The following DLGAP2 variants were observed in gnomAD, a reference collection of about 807,000 sequenced individuals.
The protein encoded by DLGAP2 is DLG associated protein 2, also known as disks large-associated protein 2.
Under a neutral mutation model 100.3 loss-of-function variants are expected in DLGAP2, and 26 were observed. That is an observed-to-expected ratio of 0.26 (90% CI 0.19 to 0.36). The LOEUF is 0.36. DLGAP2 is among the 10% of genes least tolerant of loss of function. The pLI is 1.00. For synonymous variants in DLGAP2, 886 were observed against 630.1 expected, an observed-to-expected ratio of 1.41 and a Z score of -6.08; for missense variants, 1,858 against 1,453.2, an observed-to-expected ratio of 1.28 and a Z score of -4.53.
intron 3 of DLGAP2, among the ~76,000 whole-genome samples, chr8:1,327,201 T>C (rs1014272420): frequency 1.8e-4 from 28 of 152,354 alleles, no homozygotes; most frequent in South Asian, 2.1e-4. Context: ...AACACTGCTG[T>C]GTATTTCTTT....
At chr8:869,968 C>T (rs1222737442) in intron 1 of DLGAP2, among the ~76,000 whole-genome samples, 2 of 146,188 alleles carry the variant, frequency 1.4e-5, no homozygotes, top group African/African-American at 5.1e-5. Context: ...AGAGCAGGGC[C>T]ATTTAGAAAC....
chr8:866,950 C>T (rs1411726485), intron 1 of DLGAP2, among the ~76,000 whole-genome samples: 1 of 152,136 alleles, frequency 6.6e-6, no homozygotes, highest in Non-Finnish European at 1.5e-5. Flanking sequence ...GTGTCTTCAT[C>T]CCTTACAGGC....
At chr8:1,669,622 G>C (rs1258607546) in intron 9 of DLGAP2, 121 bp from the exon 10 acceptor site, 1 of 736,132 alleles carries the variant, frequency 1.4e-6, no homozygotes, top group Non-Finnish European at 2.5e-6. Context: ...GGAGCGTGCT[G>C]AGAGCCGGGC....
chr8:1,021,471 A>G (rs1801621293), intron 2 of DLGAP2, among the ~76,000 whole-genome samples: 1 of 152,244 alleles, frequency 6.6e-6, no homozygotes, highest in African/African-American at 2.4e-5. Context: ...AGCCATGTTG[A>G]GCTCAGCTAG....
At chr8:1,350,457 G>A (rs1490734127) in intron 3 of DLGAP2, among the ~76,000 whole-genome samples, 1 of 100,092 alleles carries the variant, frequency 1.0e-5, no homozygotes, top group Non-Finnish European at 2.0e-5. Context: ...GAAAGGCCGT[G>A]CGGGTCCTGA....
At chr8:813,573 G>A (rs1005108676) in intron 1 of DLGAP2, among the ~76,000 whole-genome samples, 3 of 152,162 alleles carry the variant, frequency 2.0e-5, no homozygotes, top group Non-Finnish European at 4.4e-5. Context: ...GAATAAACAG[G>A]AAGGTAAACT....
chr8:987,760 T>G (rs971732630), intron 2 of DLGAP2, among the ~76,000 whole-genome samples: 1 of 152,154 alleles, frequency 6.6e-6, no homozygotes, highest in African/African-American at 2.4e-5. Flanking sequence ...CAGTTGCTAT[T>G]TAAGCGCTTC....
At chr8:812,156 G>C (rs535215388) in intron 1 of DLGAP2, among the ~76,000 whole-genome samples, 4 of 152,218 alleles carry the variant, frequency 2.6e-5, no homozygotes, top group Non-Finnish European at 4.4e-5. Context: ...CAATTGCAGG[G>C]GCTGGTGAGT....
At chr8:1,358,244 G>A (rs953029865) in intron 3 of DLGAP2, among the ~76,000 whole-genome samples, 1 of 152,224 alleles carries the variant, frequency 6.6e-6, no homozygotes, top group Non-Finnish European at 1.5e-5. Flanking sequence ...TGAGTGGAAT[G>A]AGGTGAGAAT....
chr8:778,908 G>A (rs2132620301), intron 1 of DLGAP2, among the ~76,000 whole-genome samples: 1 of 152,362 alleles, frequency 6.6e-6, no homozygotes, highest in Non-Finnish European at 1.5e-5. Flanking sequence ...ACCTAAGCAA[G>A]CCTGGGCAAT....
chr8:1,565,305 T>A (rs200163158), intron 5 of DLGAP2, among the ~76,000 whole-genome samples: 2 of 556 alleles, frequency 3.6e-3, no homozygotes, highest in Non-Finnish European at 6.1e-3. Context: ...CCTTGTTTTC[T>A]TTTTTTTTTT....
intron 2 of DLGAP2, among the ~76,000 whole-genome samples, chr8:1,053,817 C>T (rs767068608): frequency 1.8e-4 from 28 of 152,078 alleles, no homozygotes; most frequent in Admixed American, 7.9e-4. Context: ...TTTTCATTAC[C>T]GTCACTGGTT....
intron 4 of DLGAP2, among the ~76,000 whole-genome samples, chr8:1,515,201 C>T (rs1440212328): frequency 6.6e-6 from 1 of 152,176 alleles, no homozygotes; most frequent in Non-Finnish European, 1.5e-5. Flanking sequence ...GATTCTTTTG[C>T]AGCCGATGAG....
chr8:1,691,478 G>T, intron 12 of DLGAP2, 57 bp from the exon 13 acceptor site: 1 of 1,456,978 alleles, frequency 6.9e-7, no homozygotes. Context: ...CTGCTTTTGT[G>T]TAATTGACCC....
chr8:1,431,352 C>G (rs534958786), intron 3 of DLGAP2, among the ~76,000 whole-genome samples: 3 of 152,230 alleles, frequency 2.0e-5, no homozygotes, highest in Non-Finnish European at 4.4e-5. Flanking sequence ...TTCATCTGTT[C>G]ATTCATTGTG....
chr8:1,478,403 C>G (rs17063941), intron 3 of DLGAP2, among the ~76,000 whole-genome samples: 5,287 of 152,312 alleles, frequency 0.035, 307 homozygotes, highest in African/African-American at 0.12. Context: ...GTTTCCATGA[C>G]ATTTTCAGGA....
chr8:1,217,010 G>A (rs1007384260), intron 2 of DLGAP2, among the ~76,000 whole-genome samples: 1 of 152,044 alleles, frequency 6.6e-6, no homozygotes, highest in Non-Finnish European at 1.5e-5. Context: ...TTTGTTACAT[G>A]GATAAATTGC....
chr8:1,296,710 C>T (rs1338836744), intron 3 of DLGAP2, among the ~76,000 whole-genome samples: 1 of 152,206 alleles, frequency 6.6e-6, no homozygotes, highest in Non-Finnish European at 1.5e-5. Context: ...AAAGGAGGCA[C>T]TTAAAGCGTC....
intron 3 of DLGAP2, among the ~76,000 whole-genome samples, chr8:1,306,411 A>G (rs965727493): frequency 3.3e-5 from 5 of 152,208 alleles, no homozygotes; most frequent in African/African-American, 1.2e-4. Flanking sequence ...ACTGAAAACT[A>G]TAAAATGTTG....
Sources: gnomAD v4.1 joint callset for allele counts (sites outside exome capture counted in the v4.1 genomes callset) on GRCh38, gnomAD v4.1.1 for gene constraint, MANE v1.5 for transcripts, NCBI Gene and HGNC (gene_info 2026-07-23, HGNC 2026-07-21) for gene names.